Variants in VWA2 observed in about 807,000 individuals in gnomAD.
The protein encoded by VWA2 is von Willebrand factor A domain-containing protein 2.
In VWA2, 73 loss-of-function variants were observed where a neutral mutation model predicts 70.4. The ratio of observed to expected loss-of-function variants is 1.04; its 90% CI spans 0.86 to 1.26. The LOEUF (loss-of-function observed/expected upper bound fraction) is 1.26. VWA2 is among the 50% of genes most tolerant of loss of function. The pLI is 0.00. For synonymous variants in VWA2, 407 were observed against 423.3 expected (o/e 0.96, Z 0.47); for missense variants, 1,011 against 998.5 (o/e 1.01, Z -0.17).
chr10:114,279,542 C>T (rs1428854434), intron 8 of VWA2, among the ~76,000 whole-genome samples: 1 of 152,220 alleles, frequency 6.6e-6, no homozygotes, highest in Non-Finnish European at 1.5e-5. Flanking sequence ...GCTGAGAAGC[C>T]TTAGGGCTGT....
chr10:114,271,513 AG>A (rs1453952571), intron 5 of VWA2, among the ~76,000 whole-genome samples: 2 of 152,100 alleles, frequency 1.3e-5, no homozygotes, highest in African/African-American at 2.4e-5. Flanking sequence ...ATAACATGAA[AG>A]GAGCCTGGAT....
chr10:114,263,095 A>AACCTCCACCTCCC (rs1307968512), intron 5 of VWA2, among the ~76,000 whole-genome samples: 1 of 152,152 alleles, frequency 6.6e-6, no homozygotes, highest in Non-Finnish European at 1.5e-5. Context: ...GGCTCACTGC[A>AACCTCCACCTCCC]ACCTCCACCT....
intron 5 of VWA2, among the ~76,000 whole-genome samples, chr10:114,262,896 G>A (rs1018673807): frequency 5.3e-5 from 8 of 152,144 alleles, no homozygotes; most frequent in Non-Finnish European, 8.8e-5. Flanking sequence ...TGGGGCCTCC[G>A]AGAATTGGCT....
chr10:114,288,034 C>T (rs2039122220), intron 11 of VWA2, among the ~76,000 whole-genome samples: 1 of 152,200 alleles, frequency 6.6e-6, no homozygotes, highest in Non-Finnish European at 1.5e-5. Flanking sequence ...GCTCCTCTAA[C>T]TCCATACTTA....
At chr10:114,286,630 C>A in intron 11 of VWA2, 119 bp downstream of exon 11, 1 of 843,606 alleles carries the variant, frequency 1.2e-6, no homozygotes, top group Non-Finnish European at 1.8e-6. Context: ...AACCACAGCC[C>A]CACTCTTTCA....
intron 2 of VWA2, among the ~76,000 whole-genome samples, chr10:114,250,780 T>G (rs981177014): frequency 1.3e-5 from 2 of 152,150 alleles, no homozygotes; most frequent in Non-Finnish European, 2.9e-5. Flanking sequence ...TGGTGAGATG[T>G]GTTTGGGGCC....
At chr10:114,257,849 G>A (rs1589747511) in intron 4 of VWA2, among the ~76,000 whole-genome samples, 1 of 152,134 alleles carries the variant, frequency 6.6e-6, no homozygotes, top group Non-Finnish European at 1.5e-5. Context: ...GGTTAGACTT[G>A]GGCCAAACAG....
intron 4 of VWA2, among the ~76,000 whole-genome samples, chr10:114,256,893 G>C (rs913951497): frequency 7.6e-6 from 1 of 131,156 alleles, no homozygotes; most frequent in Admixed American, 8.5e-5. Context: ...CTGGGCGACA[G>C]AGTGAAACAC....
chr10:114,289,961 C>G, intron 12 of VWA2: 1 of 277,294 alleles, frequency 3.6e-6, no homozygotes, highest in South Asian at 5.1e-5. Flanking sequence ...CATTGTACTC[C>G]AGCCTGGGCA....
Position 114,261,660 on chromosome 10 carries a change from TCAC to T in VWA2, c.371+369_371+371del, listed in dbSNP as rs1402304515. ...TTGTGACCACTGCAGCTTGGACAGT[TCAC>T]CACACTTCTCTGAGCCTCATTTTTG... On this transcript the variant is annotated intron_variant, in intron 5 of 13. Transcript: ENST00000392982. Among the ~76,000 whole-genome samples the T allele has an allele frequency of 2.6e-5, 4 of 152,166 alleles. No individual in the cohort carries two copies. The East Asian group carries it at 7.7e-4, about 29-fold the overall frequency.
intron 8 of VWA2, among the ~76,000 whole-genome samples, chr10:114,281,972 A>T (rs1454810134): frequency 6.7e-6 from 1 of 150,308 alleles, no homozygotes; most frequent in Non-Finnish European, 1.5e-5. Context: ...GGGGTTTTGC[A>T]TGTGGATGTC....
At chr10:114,257,802 C>G (rs1402945403) in intron 4 of VWA2, among the ~76,000 whole-genome samples, 2 of 152,222 alleles carry the variant, frequency 1.3e-5, no homozygotes, top group East Asian at 1.9e-4. Flanking sequence ...TGGACCACAT[C>G]TAGAAAGTGT....
chr10:114,271,309 G>A (rs2037702568), intron 5 of VWA2, among the ~76,000 whole-genome samples: 1 of 152,200 alleles, frequency 6.6e-6, no homozygotes, highest in Non-Finnish European at 1.5e-5. Flanking sequence ...GTCAGCTCTT[G>A]TTGACACTTT....
intron 7 of VWA2, among the ~76,000 whole-genome samples, chr10:114,278,355 C>T (rs1157203868): frequency 6.6e-6 from 1 of 152,188 alleles, no homozygotes; most frequent in East Asian, 1.9e-4. Flanking sequence ...TTGGACCACA[C>T]AGAGGAGCAC....
intron 9 of VWA2, among the ~76,000 whole-genome samples, chr10:114,283,036 A>G (rs2038373489): frequency 6.6e-6 from 1 of 152,196 alleles, no homozygotes; most frequent in Non-Finnish European, 1.5e-5. Context: ...CCTCAGCTGT[A>G]AAATCCCAAA....
rs543306717 is a variant in VWA2, at chr10:114,251,084, T to G, written c.52+2319T>G. ...AAGATAAGAATGTACAAAAGTTCTC[T>G]CTAAGACTTGGCTGTCACATCTGTA... On this transcript the variant is annotated intron_variant, in intron 2 of 13. Transcript: ENST00000392982. Among the ~76,000 whole-genome samples the G allele has an allele frequency of 2.6e-5, 4 of 152,374 alleles. No individual in the cohort carries two copies. The East Asian group carries it at 7.7e-4, about 29-fold the overall frequency.
At chr10:114,276,002 C>T (rs2037833733) in intron 6 of VWA2, among the ~76,000 whole-genome samples, 1 of 152,210 alleles carries the variant, frequency 6.6e-6, no homozygotes, top group South Asian at 2.1e-4. Flanking sequence ...TTATTTGATT[C>T]AGCAGACATA....
At chr10:114,266,960 T>G (rs1468363893) in intron 5 of VWA2, among the ~76,000 whole-genome samples, 2 of 152,218 alleles carry the variant, frequency 1.3e-5, no homozygotes, top group African/African-American at 4.8e-5. Context: ...TTTTTCATGT[T>G]GATTGTTTTT....
At chr10:114,278,929 T>C in intron 8 of VWA2, 78 bp downstream of exon 8, 1 of 1,581,840 alleles carries the variant, frequency 6.3e-7, no homozygotes, top group South Asian at 1.1e-5. Context: ...GATAGTACTT[T>C]GGGGCCCTGC....
Sources: allele counts gnomAD v4.1 joint callset (sites outside exome capture counted in the v4.1 genomes callset), GRCh38; gene constraint gnomAD v4.1.1; transcripts MANE v1.5; gene names NCBI Gene and HGNC (gene_info 2026-07-23, HGNC 2026-07-21).